The following PBX1 variants were observed in gnomAD, a reference collection of about 807,000 sequenced individuals.
PBX1 encodes the protein pre-B-cell leukemia transcription factor 1.
A neutral mutation model predicts 53.4 loss-of-function variants in PBX1; 6 were observed. That is an observed-to-expected ratio of 0.11 (90% CI 0.06 to 0.22). PBX1 has a LOEUF of 0.22. PBX1 is among the 10% of genes least tolerant of loss of function. The pLI is 1.00. For missense variants in PBX1, 251 were observed against 551.4 expected (o/e 0.46, Z 5.46); for synonymous variants, 204 against 212.3 (o/e 0.96, Z 0.34).
intron 2 of PBX1, among the ~76,000 whole-genome samples, chr1:164,649,503 G>GT (rs1025774222): frequency 2.0e-5 from 3 of 152,106 alleles, no homozygotes; most frequent in African/African-American, 4.8e-5. Context: ...AAATCTATCA[G>GT]TTTTTTCCCC....
chr1:164,754,502 TG>T (rs1181066027), intron 2 of PBX1, among the ~76,000 whole-genome samples: 1 of 152,228 alleles, frequency 6.6e-6, no homozygotes, highest in African/African-American at 2.4e-5. Flanking sequence ...AAAGAGTGAC[TG>T]GTTTGTTTCA....
chr1:164,831,066 A>T (rs1670729747), intron 8 of PBX1, among the ~76,000 whole-genome samples: 1 of 152,190 alleles, frequency 6.6e-6, no homozygotes, highest in Admixed American at 6.5e-5. Flanking sequence ...AAATTTTCAA[A>T]CATATGGAAA....
intron 8 of PBX1, among the ~76,000 whole-genome samples, chr1:164,835,736 C>T (rs1313217611): frequency 1.3e-5 from 2 of 152,128 alleles, no homozygotes; most frequent in African/African-American, 2.4e-5. Flanking sequence ...TGGAGGAGGA[C>T]TCCTGTGGAA....
intron 8 of PBX1, 115 bp downstream of exon 8, chr1:164,821,741 C>T: frequency 1.3e-6 from 1 of 781,652 alleles, no homozygotes; most frequent in Non-Finnish European, 2.2e-6. Flanking sequence ...GCTTTACGGT[C>T]ACCTAGTTTC....
intron 2 of PBX1, among the ~76,000 whole-genome samples, chr1:164,870,325 CTTTCTTTCTTTCTTTCTTTCTTTCTTT>C (rs1558053772): frequency 4.0e-5 from 4 of 100,954 alleles, no homozygotes; most frequent in African/African-American, 1.7e-4. Flanking sequence ...TTCTTTCTTT[CTTTCTTTCTTTCTTTCTTTCTTTCTTT>C]CTTTCTTTCG....
chr1:164,671,912 C>T (rs960429774), intron 2 of PBX1, among the ~76,000 whole-genome samples: 1 of 152,148 alleles, frequency 6.6e-6, no homozygotes, highest in Non-Finnish European at 1.5e-5. Context: ...TCTCCAGACC[C>T]TCTTGTACTT....
At chr1:164,675,388 G>A (rs1369247644) in intron 2 of PBX1, among the ~76,000 whole-genome samples, 2 of 151,792 alleles carry the variant, frequency 1.3e-5, no homozygotes, top group Non-Finnish European at 1.5e-5. Flanking sequence ...ACTTTCAATG[G>A]CAAAAACCTC....
intron 2 of PBX1, among the ~76,000 whole-genome samples, chr1:164,734,958 T>C (rs374185762): frequency 6.6e-6 from 1 of 152,302 alleles, no homozygotes; most frequent in African/African-American, 2.4e-5. Flanking sequence ...CAAAGAATAC[T>C]CCAAATGCTT....
At chr1:164,700,393 G>A (rs759506694) in intron 2 of PBX1, 63 of 915,618 alleles carry the variant, frequency 6.9e-5, no homozygotes, top group Non-Finnish European at 8.1e-5. Context: ...GGGAGCGTGA[G>A]GTTCTGTTAT....
intron 2 of PBX1, among the ~76,000 whole-genome samples, chr1:164,602,922 G>A (rs1571043821): frequency 2.0e-5 from 3 of 152,172 alleles, no homozygotes; most frequent in Admixed American, 1.3e-4. Context: ...TCCACGTCCC[G>A]TCCCGGCTGG....
intron 2 of PBX1, among the ~76,000 whole-genome samples, chr1:164,608,740 T>G (rs567349236): frequency 6.6e-6 from 1 of 152,302 alleles, no homozygotes; most frequent in African/African-American, 2.4e-5. Context: ...CTGAGCTGTT[T>G]GGGCAACTAG....
intron 2 of PBX1, among the ~76,000 whole-genome samples, chr1:164,730,286 AG>A (rs59467755): frequency 0.043 from 6,532 of 152,226 alleles, 252 homozygotes; most frequent in East Asian, 0.13. Flanking sequence ...GGTGCAGATC[AG>A]TTACCTGAAG....
At chr1:164,853,208 C>G (rs560631610), downstream of PBX1, among the ~76,000 whole-genome samples, 1 of 152,136 alleles carries the variant, frequency 6.6e-6, no homozygotes, top group Admixed American at 6.6e-5. Flanking sequence ...AAGGCCCACC[C>G]GCTTCTTGAA....
intron 2 of PBX1, among the ~76,000 whole-genome samples, chr1:164,749,232 A>G (rs1002303808): frequency 3.3e-5 from 5 of 152,232 alleles, no homozygotes; most frequent in African/African-American, 4.8e-5. Flanking sequence ...TATATAATAT[A>G]TTAGCTAGCT....
At chr1:164,790,248 T>C (rs1480593802) in intron 2 of PBX1, among the ~76,000 whole-genome samples, 1 of 152,094 alleles carries the variant, frequency 6.6e-6, no homozygotes, top group Non-Finnish European at 1.5e-5. Context: ...TAAGAAACAA[T>C]AACGTGACTA....
chr1:164,661,785 A>G lies in PBX1; in HGVS notation c.265+98474A>G, dbSNP rs1323828520. Among the ~76,000 whole-genome samples, 3 of 152,260 alleles carry G rather than the reference A, an allele frequency of 2.0e-5. No individual in the cohort carries two copies. In the East Asian group the frequency reaches 5.8e-4, roughly 29 times the overall value. ...TTATTTTTGGTATTAGTTAATGTGT[A>G]CATAGGCGTTATCACCTCATTGGAA... On this transcript the variant is annotated intron_variant, in intron 2 of 8. Coordinates refer to ENST00000420696, the MANE Select transcript of PBX1 (RefSeq NM_002585.4).
At chr1:164,824,353 A>G (rs1164504127) in intron 8 of PBX1, among the ~76,000 whole-genome samples, 2 of 152,194 alleles carry the variant, frequency 1.3e-5, no homozygotes, top group African/African-American at 4.8e-5. Flanking sequence ...GTGGGCAAAT[A>G]TTGAATCTCT....
chr1:164,879,982 G>A (rs1672607452), intron 2 of PBX1, among the ~76,000 whole-genome samples: 1 of 152,200 alleles, frequency 6.6e-6, no homozygotes, highest in Non-Finnish European at 1.5e-5. Context: ...GGTGCCAGTG[G>A]TATAGAAGAG....
chr1:164,778,430 G>C (rs1351499733), intron 2 of PBX1, among the ~76,000 whole-genome samples: 2 of 152,146 alleles, frequency 1.3e-5, no homozygotes, highest in Non-Finnish European at 2.9e-5. Context: ...GATCACTTGA[G>C]CTCAGGATGT....
Sources: gnomAD v4.1 joint callset for allele counts (sites outside exome capture counted in the v4.1 genomes callset) on GRCh38, gnomAD v4.1.1 for gene constraint, MANE v1.5 for transcripts, NCBI Gene and HGNC (gene_info 2026-07-23, HGNC 2026-07-21) for gene names.